Variants in ARK2N observed in about 807,000 individuals in gnomAD.
ARK2N encodes the protein arkadia (RNF111) N-terminal like PKA signaling regulator 2N, also known as protein ARK2N.
At chr18:46,218,436 T>C in the ARK2N span, 6 of 152,158 alleles carry the variant, frequency 3.9e-5, no homozygotes, top group South Asian at 4.1e-4. Context: ...GAGAATCAAA[T>C]GGTAGATTGA....
chr18:46,236,838 TTTG>T, the ARK2N span, among the ~76,000 whole-genome samples: 6 of 150,198 alleles, frequency 4.0e-5, no homozygotes, highest in South Asian at 2.1e-4. Context: ...CTGTTTTTTT[TTTG>T]TTGTTGTTGT....
chr18:46,227,285 G>A, the ARK2N span, among the ~76,000 whole-genome samples: 3 of 152,142 alleles, frequency 2.0e-5, no homozygotes, highest in Admixed American at 6.5e-5. Flanking sequence ...CAAGATCTTC[G>A]ATGTCTCAAT....
the ARK2N span, among the ~76,000 whole-genome samples, chr18:46,251,296 G>A: frequency 2.6e-5 from 4 of 152,170 alleles, no homozygotes; most frequent in Non-Finnish European, 1.5e-5. Flanking sequence ...CACAAGCAAG[G>A]TATTGGGGAT....
At chr18:46,216,352 C>T in the ARK2N span, 1 of 1,613,908 alleles carries the variant, frequency 6.2e-7, no homozygotes, top group Non-Finnish European at 8.5e-7. The surrounding 1 kb of genome is among the most constrained non-coding windows in gnomAD (Gnocchi z 4.3). Flanking sequence ...CAAGAAAAAC[C>T]GGCAATCCAG....
At chr18:46,250,549 CCA>C in the ARK2N span, among the ~76,000 whole-genome samples, 3 of 125,980 alleles carry the variant, frequency 2.4e-5, no homozygotes, top group South Asian at 5.2e-4. Context: ...CCTAGTTCAG[CCA>C]CAGTCATTTC....
the ARK2N span, among the ~76,000 whole-genome samples, chr18:46,188,727 TG>T: frequency 3.7e-4 from 56 of 152,198 alleles, no homozygotes; most frequent in African/African-American, 1.3e-3. Context: ...AAAATCAAAA[TG>T]TTGGCTGGGC....
chr18:46,245,651 A>T, the ARK2N span, among the ~76,000 whole-genome samples: 2 of 151,532 alleles, frequency 1.3e-5, no homozygotes, highest in African/African-American at 4.9e-5. Context: ...GTAGTGACTT[A>T]TTTTTTTATT....
chr18:46,195,412 T>A, the ARK2N span, among the ~76,000 whole-genome samples: 1 of 151,344 alleles, frequency 6.6e-6, no homozygotes, highest in Non-Finnish European at 1.5e-5. Context: ...ACCACAGATG[T>A]GCACTGTCAT....
At chr18:46,213,928 C>T in the ARK2N span, among the ~76,000 whole-genome samples, 1 of 152,128 alleles carries the variant, frequency 6.6e-6, no homozygotes, top group South Asian at 2.1e-4. Flanking sequence ...AACTTCCAAC[C>T]TCAGGTGATC....
the ARK2N span, among the ~76,000 whole-genome samples, chr18:46,190,495 C>G: frequency 1.3e-5 from 2 of 148,936 alleles, no homozygotes; most frequent in East Asian, 3.9e-4. Flanking sequence ...TCCCCCGGCC[C>G]CCCGAAAAAA....
At chr18:46,260,056 A>C in the ARK2N span, among the ~76,000 whole-genome samples, 12 of 151,670 alleles carry the variant, frequency 7.9e-5, no homozygotes, top group Non-Finnish European at 1.5e-4. Flanking sequence ...CCTGTTTTTG[A>C]ACAAATCTTA....
chr18:46,192,152 A>G, the ARK2N span, among the ~76,000 whole-genome samples: 1 of 152,238 alleles, frequency 6.6e-6, no homozygotes, highest in Admixed American at 6.5e-5. Context: ...ACTGAAAATC[A>G]TAATGTTAAA....
At chr18:46,236,089 C>T in the ARK2N span, among the ~76,000 whole-genome samples, 1 of 152,130 alleles carries the variant, frequency 6.6e-6, no homozygotes, top group Non-Finnish European at 1.5e-5. Flanking sequence ...CAGTACAAAT[C>T]CATTTCTAGC....
At chr18:46,239,322 G>A in the ARK2N span, among the ~76,000 whole-genome samples, 9 of 152,272 alleles carry the variant, frequency 5.9e-5, no homozygotes, top group African/African-American at 2.2e-4. Context: ...GTTGGAGTAT[G>A]AGCTGGTTGT....
the ARK2N span, chr18:46,263,334 C>G: frequency 2.2e-6 from 1 of 455,262 alleles, no homozygotes; most frequent in African/African-American, 1.9e-5. Flanking sequence ...TCTTCTTTCC[C>G]TCAGTAGGAA....
the ARK2N span, among the ~76,000 whole-genome samples, chr18:46,201,783 T>TC: frequency 1.2e-4 from 17 of 145,270 alleles, no homozygotes; most frequent in African/African-American, 3.9e-4. Context: ...TCTTTTCTTT[T>TC]TTTTTTTTTT....
chr18:46,209,710 C>G, the ARK2N span, among the ~76,000 whole-genome samples: 4 of 152,096 alleles, frequency 2.6e-5, no homozygotes, highest in Non-Finnish European at 4.4e-5. Context: ...ATTCTTCTGC[C>G]TCAGCCTCCC....
the ARK2N span, among the ~76,000 whole-genome samples, chr18:46,192,047 A>T: frequency 1.3e-5 from 2 of 152,174 alleles, no homozygotes; most frequent in East Asian, 3.8e-4. Context: ...CCATTCACCT[A>T]CTGAAGGATA....
the ARK2N span, chr18:46,215,946 A>T: frequency 6.2e-7 from 1 of 1,614,200 alleles, no homozygotes; most frequent in African/African-American, 1.3e-5. Context: ...CACCAAAAGC[A>T]TCTGAACAAG....
Sources: allele counts gnomAD v4.1 joint callset (sites outside exome capture counted in the v4.1 genomes callset), GRCh38; gene constraint gnomAD v4.1.1; non-coding constraint Gnocchi (gnomAD v3.1); transcripts MANE v1.5; gene names NCBI Gene and HGNC (gene_info 2026-07-23, HGNC 2026-07-21).